Variants in PPP1R36 observed in about 807,000 individuals in gnomAD.
The protein encoded by PPP1R36 is chromosome 14 open reading frame 50.
In PPP1R36, 47 loss-of-function variants were observed where a neutral mutation model predicts 53.4. The observed-to-expected ratio is 0.88, with a 90% confidence interval of 0.70 to 1.12. The LOEUF is 1.12. Among genes scored for constraint, PPP1R36 ranks in the 50% most tolerant of loss-of-function variants. The pLI is 0.00. For missense variants in PPP1R36, 456 were observed against 513.9 expected (o/e 0.89, Z 1.09); for synonymous variants, 153 against 170.5 (o/e 0.90, Z 0.80).
Position 64,550,078 on chromosome 14 carries a change from C to G in PPP1R36, c.69+12C>G, listed in dbSNP as rs1323444844. 5.1e-6 allele frequency: 8 copies of G among 1,554,246 alleles called. No homozygotes were observed. Among genetic ancestry groups the G allele is most frequent in the Non-Finnish European group, 7.0e-6 (8 of 1,148,434 alleles). The stretch of plus-strand genomic sequence containing the variant: ...CTTACTTGATGGATGTAAGTGCAGC[C>G]TTGGTCGCCCCCATACCCGGGCTGG... On this transcript the variant is annotated intron_variant, in intron 1 of 11. Transcript: ENST00000298705.
intron 1 of PPP1R36, 157 bp downstream of exon 1, chr14:64,550,223 G>GGA (rs34021921): frequency 0.025 from 30,152 of 1,190,216 alleles, 112 homozygotes; most frequent in Middle Eastern, 0.041. Flanking sequence ...TATTTGCCTA[G>GGA]AAAAAAAAAA....
At chr14:64,580,758 T>A (rs1386540402) in intron 8 of PPP1R36, among the ~76,000 whole-genome samples, 1 of 152,250 alleles carries the variant, frequency 6.6e-6, no homozygotes, top group East Asian at 1.9e-4. Flanking sequence ...TTTATATTGT[T>A]CTTTTGGTGG....
chr14:64,555,787 G>A (rs2080145066), intron 3 of PPP1R36, among the ~76,000 whole-genome samples: 1 of 152,112 alleles, frequency 6.6e-6, no homozygotes, highest in Non-Finnish European at 1.5e-5. Context: ...CACCCAGCAA[G>A]TAACTGTTAA....
intron 7 of PPP1R36, among the ~76,000 whole-genome samples, chr14:64,571,687 C>T (rs1242810491): frequency 6.6e-6 from 1 of 152,120 alleles, no homozygotes; most frequent in African/African-American, 2.4e-5. Flanking sequence ...TCCCTTTATC[C>T]TTCTGTATTA....
At chr14:64,552,227 G>A (rs983423581) in intron 2 of PPP1R36, among the ~76,000 whole-genome samples, 11 of 152,164 alleles carry the variant, frequency 7.2e-5, no homozygotes, top group African/African-American at 2.4e-4. Context: ...GGTGGCTCAA[G>A]CCTGTAATCC....
At chr14:64,573,178 A>G (rs2080316216) in intron 7 of PPP1R36, among the ~76,000 whole-genome samples, 1 of 152,236 alleles carries the variant, frequency 6.6e-6, no homozygotes, top group Non-Finnish European at 1.5e-5. Flanking sequence ...TATCATCAGC[A>G]ATATTTCCTA....
chr14:64,562,210 T>A (rs1158833147), intron 3 of PPP1R36, among the ~76,000 whole-genome samples: 2 of 152,058 alleles, frequency 1.3e-5, no homozygotes, highest in Non-Finnish European at 2.9e-5. Flanking sequence ...CCTGTAATCC[T>A]AGCACTTTGG....
chr14:64,566,204 G>T (rs565625778), intron 6 of PPP1R36, among the ~76,000 whole-genome samples: 2 of 152,274 alleles, frequency 1.3e-5, no homozygotes, highest in Admixed American at 1.3e-4. Context: ...GGTGGCGGAG[G>T]TTGCAGTGAG....
At chr14:64,550,223 G>T in intron 1 of PPP1R36, 157 bp downstream of exon 1, 15 of 1,191,500 alleles carry the variant, frequency 1.3e-5, no homozygotes, top group East Asian at 7.1e-5. Context: ...TATTTGCCTA[G>T]AAAAAAAAAA....
intron 5 of PPP1R36, 64 bp downstream of exon 5, chr14:64,565,518 C>A: frequency 7.1e-7 from 1 of 1,415,242 alleles, no homozygotes; most frequent in Non-Finnish European, 1.0e-6. Context: ...CATATCCATA[C>A]ATAAACATCC....
intron 8 of PPP1R36, among the ~76,000 whole-genome samples, chr14:64,575,633 T>C (rs914915396): frequency 5.3e-5 from 8 of 150,876 alleles, no homozygotes; most frequent in African/African-American, 2.0e-4. Context: ...TTGTTCTCTA[T>C]AAAGGTTAAG....
intron 7 of PPP1R36, among the ~76,000 whole-genome samples, chr14:64,574,158 T>G (rs1169816805): frequency 3.9e-5 from 6 of 152,040 alleles, no homozygotes; most frequent in Non-Finnish European, 7.4e-5. Flanking sequence ...GAGGATCACT[T>G]GAGTCCAGGA....
At chr14:64,556,952 G>A (rs531074145) in intron 3 of PPP1R36, among the ~76,000 whole-genome samples, 43 of 102,554 alleles carry the variant, frequency 4.2e-4, no homozygotes, top group Admixed American at 1.8e-3. Context: ...GCGCCCACCC[G>A]CCGCCCCCCA....
At chr14:64,580,667 G>A (rs948290231) in intron 8 of PPP1R36, among the ~76,000 whole-genome samples, 5 of 152,098 alleles carry the variant, frequency 3.3e-5, no homozygotes, top group African/African-American at 9.7e-5. Context: ...CACCACCCAC[G>A]TAACAAATTC....
chr14:64,569,848 C>T (rs2080289438), intron 7 of PPP1R36, among the ~76,000 whole-genome samples: 1 of 150,986 alleles, frequency 6.6e-6, no homozygotes, highest in Non-Finnish European at 1.5e-5. Context: ...AAGTGATTTT[C>T]CCACCTCAGC....
At chr14:64,584,317 G>T (rs1195232513) in intron 8 of PPP1R36, among the ~76,000 whole-genome samples, 1 of 152,200 alleles carries the variant, frequency 6.6e-6, no homozygotes, top group African/African-American at 2.4e-5. Flanking sequence ...GGTTTGCCTT[G>T]TGCTGATGTG....
At chr14:64,583,077 T>A (rs539525186) in intron 8 of PPP1R36, among the ~76,000 whole-genome samples, 3,833 of 144,636 alleles carry the variant, frequency 0.027, 52 homozygotes, top group Middle Eastern at 0.039. Flanking sequence ...ATATATATAT[T>A]TTTTTTTTGT....
intron 2 of PPP1R36, among the ~76,000 whole-genome samples, chr14:64,551,215 A>G (rs1238480078): frequency 6.6e-6 from 1 of 152,220 alleles, no homozygotes; most frequent in Non-Finnish European, 1.5e-5. Context: ...ATGTTAACCA[A>G]TTTACAGATG....
intron 8 of PPP1R36, among the ~76,000 whole-genome samples, chr14:64,583,057 A>C (rs1363450741): frequency 8.1e-6 from 1 of 124,030 alleles, no homozygotes; most frequent in African/African-American, 2.9e-5. Flanking sequence ...ACTCCCAGCT[A>C]TATATATATA....
Sources: allele counts gnomAD v4.1 joint callset (sites outside exome capture counted in the v4.1 genomes callset), GRCh38; gene constraint gnomAD v4.1.1; transcripts MANE v1.5; gene names NCBI Gene and HGNC (gene_info 2026-07-23, HGNC 2026-07-21).